Variants in UBAP1 observed in about 807,000 individuals in gnomAD.
UBAP1 encodes the protein ubiquitin-associated protein 1.
A neutral mutation model predicts 39.0 loss-of-function variants in UBAP1; 5 were observed. That is an observed-to-expected ratio of 0.13 (90% CI 0.07 to 0.27). UBAP1 has a LOEUF of 0.27. Among genes scored for constraint, UBAP1 ranks in the 10% least tolerant of loss-of-function variants. The pLI, the probability that UBAP1 is intolerant of heterozygous loss-of-function variation, is 1.00. For missense variants in UBAP1, 490 were observed against 608.1 expected, an observed-to-expected ratio of 0.81 and a Z score of 2.04; for synonymous variants, 211 against 225.1, an observed-to-expected ratio of 0.94 and a Z score of 0.56.
intron 1 of UBAP1, among the ~76,000 whole-genome samples, chr9:34,202,625 G>C (rs10527318): frequency 0.32 from 3,038 of 9,626 alleles, 395 homozygotes; most frequent in East Asian, 0.52. Context: ...AGACAGAAAC[G>C]TGTGTGTGTG....
intron 1 of UBAP1, among the ~76,000 whole-genome samples, chr9:34,214,748 A>G (rs570723302): frequency 1.7e-4 from 26 of 152,334 alleles, no homozygotes; most frequent in African/African-American, 5.3e-4. Context: ...TACATCTGAC[A>G]AAGGACTGAT....
chr9:34,195,138 A>C (rs1830952071), intron 1 of UBAP1, among the ~76,000 whole-genome samples: 2 of 150,142 alleles, frequency 1.3e-5, no homozygotes, highest in African/African-American at 4.9e-5. Context: ...CATTCAGGTA[A>C]GTTTTTTTTT....
chr9:34,201,985 T>A (rs2131535488), intron 1 of UBAP1, among the ~76,000 whole-genome samples: 1 of 152,204 alleles, frequency 6.6e-6, no homozygotes, highest in East Asian at 1.9e-4. Context: ...GATGAAGAGA[T>A]TTGTCTGGCA....
At chr9:34,205,808 A>G (rs1287982376) in intron 1 of UBAP1, among the ~76,000 whole-genome samples, 2 of 152,206 alleles carry the variant, frequency 1.3e-5, no homozygotes, top group Non-Finnish European at 2.9e-5. Context: ...CCTGGCCAAC[A>G]TGGTGAAACC....
intron 1 of UBAP1, among the ~76,000 whole-genome samples, chr9:34,192,344 G>A (rs1263566051): frequency 6.6e-6 from 1 of 151,524 alleles, no homozygotes; most frequent in African/African-American, 2.4e-5. Context: ...GTGAAACCCC[G>A]TCTCTACTGA....
At chr9:34,247,791 C>T (rs569945659) in intron 4 of UBAP1, among the ~76,000 whole-genome samples, 6 of 152,168 alleles carry the variant, frequency 3.9e-5, no homozygotes, top group African/African-American at 1.4e-4. Context: ...AACCTAACAC[C>T]CTGTGCTGGA....
intron 2 of UBAP1, among the ~76,000 whole-genome samples, chr9:34,233,757 G>A (rs115429005): frequency 5.9e-5 from 9 of 152,230 alleles, no homozygotes; most frequent in African/African-American, 2.2e-4. Context: ...TTTAAGTAGG[G>A]CGGGTCAGGG....
At chr9:34,229,523 TG>T (rs1412935897) in intron 2 of UBAP1, among the ~76,000 whole-genome samples, 1 of 151,746 alleles carries the variant, frequency 6.6e-6, no homozygotes, top group Non-Finnish European at 1.5e-5. Flanking sequence ...CCCAAAGTGC[TG>T]GGATTACAGG....
At chr9:34,228,569 T>C (rs887712364) in intron 2 of UBAP1, among the ~76,000 whole-genome samples, 43 of 137,502 alleles carry the variant, frequency 3.1e-4, no homozygotes, top group African/African-American at 7.0e-4. Context: ...TTTCTTTGTT[T>C]CCCCCCCCCC....
intron 3 of UBAP1, among the ~76,000 whole-genome samples, chr9:34,237,059 C>T (rs1168229324): frequency 6.6e-6 from 1 of 152,126 alleles, no homozygotes; most frequent in Non-Finnish European, 1.5e-5. Context: ...TTCTAGATTG[C>T]GTGTAAATGC....
intron 1 of UBAP1, among the ~76,000 whole-genome samples, chr9:34,212,538 A>G (rs1301170725): frequency 6.6e-6 from 1 of 152,058 alleles, no homozygotes; most frequent in Admixed American, 6.6e-5. Flanking sequence ...TGCCATCACA[A>G]CGTTATCTTC....
At chr9:34,220,665 C>T (rs931589971) in intron 1 of UBAP1, among the ~76,000 whole-genome samples, 2 of 151,858 alleles carry the variant, frequency 1.3e-5, no homozygotes, top group Non-Finnish European at 2.9e-5. Context: ...GATGGGGTCT[C>T]ACTATGTTGC....
chr9:34,250,652 T>G lies in UBAP1; in HGVS notation c.1267-6T>G, dbSNP rs773747320. On this transcript the variant is annotated splice_region_variant and splice_polypyrimidine_tract_variant and intron_variant, in intron 5 of 6. Coordinates refer to ENST00000297661, the MANE Select transcript of UBAP1 (RefSeq NM_016525.5). ...TAGGTGCTAAACCCCTTGTTTCTTT[T>G]CTTAGATTCTCGACTATCTCTTTGC... is the stretch of plus-strand genomic sequence containing the variant. 1.9e-6 allele frequency: 3 copies of G among 1,610,868 alleles called. No individual in the cohort carries two copies. Among genetic ancestry groups the G allele is most frequent in the Non-Finnish European group, 8.5e-7 (1 of 1,178,074 alleles).
chr9:34,225,779 T>TA (rs761018796), intron 2 of UBAP1, among the ~76,000 whole-genome samples: 1,652 of 124,414 alleles, frequency 0.013, 17 homozygotes, highest in African/African-American at 0.041. Flanking sequence ...GACGCCATCT[T>TA]AAAAAAAAAA....
At chr9:34,193,091 G>T (rs1830823748) in intron 1 of UBAP1, among the ~76,000 whole-genome samples, 1 of 152,070 alleles carries the variant, frequency 6.6e-6, no homozygotes, top group Non-Finnish European at 1.5e-5. Context: ...CAGATCACTT[G>T]AGGTCAGGAG....
intron 5 of UBAP1, 100 bp downstream of exon 5, chr9:34,250,061 C>A: frequency 7.7e-7 from 1 of 1,300,018 alleles, no homozygotes; most frequent in East Asian, 2.4e-5. Context: ...CACCAACCTC[C>A]TTTCCTGTGG....
intron 1 of UBAP1, among the ~76,000 whole-genome samples, chr9:34,197,337 G>T (rs1831125830): frequency 6.7e-6 from 1 of 149,310 alleles, no homozygotes; most frequent in South Asian, 2.1e-4. Flanking sequence ...ATAGAGACGG[G>T]TTTCACTATG....
intron 1 of UBAP1, among the ~76,000 whole-genome samples, chr9:34,192,934 G>A (rs1288109873): frequency 6.6e-6 from 1 of 151,966 alleles, no homozygotes; most frequent in Non-Finnish European, 1.5e-5. Context: ...TATAAAAAGG[G>A]TTTTAAAATA....
intron 1 of UBAP1, chr9:34,201,616 C>G (rs1831374892): frequency 6.6e-6 from 1 of 152,068 alleles, no homozygotes; most frequent in Non-Finnish European, 1.5e-5. Context: ...TTTTTTTCTA[C>G]TCACACACCA....
Sources: allele counts gnomAD v4.1 joint callset (sites outside exome capture counted in the v4.1 genomes callset), GRCh38; gene constraint gnomAD v4.1.1; transcripts MANE v1.5; gene names NCBI Gene and HGNC (gene_info 2026-07-23, HGNC 2026-07-21).